Variants in MTA3 observed in about 807,000 individuals in gnomAD.
The protein encoded by MTA3 is metastasis associated 1 family member 3, also known as metastasis-associated protein MTA3.
MTA3 carries 34 observed loss-of-function variants against 83.5 expected under a neutral mutation model. The observed-to-expected ratio is 0.41, with a 90% CI of 0.31 to 0.54. The LOEUF (loss-of-function observed/expected upper bound fraction) is 0.54. Ranked by LOEUF, MTA3 falls within the 20% of genes least tolerant of loss-of-function variation. The pLI, the probability that MTA3 is intolerant of heterozygous loss-of-function variation, is 0.33. For missense variants in MTA3, 761 were observed against 726.4 expected (o/e 1.05, Z -0.55); for synonymous variants, 303 against 252.7 (o/e 1.20, Z -1.89).
chr2:42,591,364 G>T (rs1026219559), intron 3 of MTA3, among the ~76,000 whole-genome samples: 1 of 152,202 alleles, frequency 6.6e-6, no homozygotes, highest in East Asian at 1.9e-4. Flanking sequence ...GTCAGTGAGT[G>T]AGTGGTGGTA....
At chr2:42,737,275 T>A (rs1668682194) in intron 16 of MTA3, among the ~76,000 whole-genome samples, 1 of 152,168 alleles carries the variant, frequency 6.6e-6, no homozygotes, top group Non-Finnish European at 1.5e-5. Context: ...TAACCCACAG[T>A]GGAAGGGCTT....
At position 42,609,411 on chromosome 2, in the gene MTA3, G is replaced by A. The variant is rs112993420; in HGVS notation, c.191-47G>A. On this transcript the variant is annotated intron_variant, in intron 3 of 16. Transcript: ENST00000405094. ...TTTGATCTGTTTCAATATCCAAACA[G>A]ATAATGTGCTTTGTACTAATAAATT... 8 of 1,571,634 alleles carry A rather than the reference G, an allele frequency of 5.1e-6. No homozygotes were observed. The African/African-American group carries it at 8.1e-5, about 16-fold the overall frequency.
intron 9 of MTA3, among the ~76,000 whole-genome samples, chr2:42,695,405 C>T (rs867930364): frequency 1.3e-5 from 2 of 151,658 alleles, no homozygotes; most frequent in Non-Finnish European, 1.5e-5. Flanking sequence ...GAGGCCGAGG[C>T]GGGCAGATCA....
intron 9 of MTA3, among the ~76,000 whole-genome samples, chr2:42,683,881 TG>T (rs1248027105): frequency 7.9e-5 from 12 of 152,190 alleles, no homozygotes; most frequent in African/African-American, 2.7e-4. Flanking sequence ...GTCCATGACC[TG>T]GGGGTTGGGG....
At chr2:42,599,767 G>A (rs931615183) in intron 3 of MTA3, among the ~76,000 whole-genome samples, 13 of 152,070 alleles carry the variant, frequency 8.5e-5, no homozygotes, top group African/African-American at 2.7e-4. Context: ...TGTCATTAAG[G>A]TATAATATGG....
chr2:42,586,198 C>T (rs974249777), intron 3 of MTA3, among the ~76,000 whole-genome samples: 5 of 150,800 alleles, frequency 3.3e-5, no homozygotes, highest in Admixed American at 6.6e-5. Flanking sequence ...TGCTTGAACC[C>T]GGAAGGTGGA....
intron 6 of MTA3, among the ~76,000 whole-genome samples, chr2:42,650,449 GT>G (rs930788559): frequency 6.6e-6 from 1 of 151,130 alleles, no homozygotes; most frequent in African/African-American, 2.4e-5. Context: ...TGTTTTTTTG[GT>G]TTTTTTTGAG....
intron 4 of MTA3, among the ~76,000 whole-genome samples, chr2:42,611,322 T>TACACAC (rs141803741): frequency 1.2e-4 from 2 of 16,062 alleles, no homozygotes; most frequent in African/African-American, 4.4e-4. Flanking sequence ...ACTTAACACA[T>TACACAC]ACACACACAC....
At chr2:42,601,055 C>T (rs1573178172) in intron 3 of MTA3, among the ~76,000 whole-genome samples, 1 of 152,078 alleles carries the variant, frequency 6.6e-6, no homozygotes, top group Non-Finnish European at 1.5e-5. Context: ...TATAGGCATG[C>T]GCCTCCACGT....
chr2:42,625,427 T>C (rs1186361365), intron 4 of MTA3, among the ~76,000 whole-genome samples: 1 of 151,718 alleles, frequency 6.6e-6, no homozygotes, highest in African/African-American at 2.4e-5. Flanking sequence ...CTAGTGATAT[T>C]TTAATTTTGC....
chr2:42,544,527 C>T (rs1375285607), intron 2 of MTA3, among the ~76,000 whole-genome samples: 1 of 150,450 alleles, frequency 6.6e-6, no homozygotes, highest in Non-Finnish European at 1.5e-5. Flanking sequence ...CACTAAAATA[C>T]CAAAAATAAC....
chr2:42,525,346 C>G (rs757250813), intron 2 of MTA3, among the ~76,000 whole-genome samples: 11 of 152,022 alleles, frequency 7.2e-5, no homozygotes, highest in Non-Finnish European at 5.9e-5. Context: ...ATTACAGGCA[C>G]TTACCACCAT....
At chr2:42,592,583 C>T (rs1681146146) in intron 3 of MTA3, among the ~76,000 whole-genome samples, 1 of 151,936 alleles carries the variant, frequency 6.6e-6, no homozygotes, top group Non-Finnish European at 1.5e-5. Flanking sequence ...GACCCTGTCT[C>T]AAAAAAATTC....
chr2:42,693,524 G>A (rs1278872041), intron 9 of MTA3, among the ~76,000 whole-genome samples: 2 of 152,170 alleles, frequency 1.3e-5, no homozygotes, highest in African/African-American at 2.4e-5. Context: ...CCAACACCCA[G>A]CCACTATTGG....
At chr2:42,591,790 A>G (rs1489561267) in intron 3 of MTA3, among the ~76,000 whole-genome samples, 1 of 152,138 alleles carries the variant, frequency 6.6e-6, no homozygotes, top group Admixed American at 6.5e-5. Flanking sequence ...AGCTGAGATG[A>G]CAGGTGCACA....
At position 42,651,503 on chromosome 2, in the gene MTA3, A is replaced by G. The variant is rs567424490; in HGVS notation, c.500-4697A>G. Among the ~76,000 whole-genome samples the G allele has an allele frequency of 1.5e-4, 23 of 152,288 alleles. 1 individual carries two copies. In the South Asian group the frequency reaches 3.7e-3, roughly 25 times the overall value. Reference sequence around the variant, plus strand: ...CCTGAGGTTACCAAAAGAATAGGCAATTGGTGCTGGGCATGGTGGCTCATG... The same window carrying G: ...CCTGAGGTTACCAAAAGAATAGGCAGTTGGTGCTGGGCATGGTGGCTCATG... On this transcript the variant is annotated intron_variant, in intron 6 of 16. Coordinates refer to ENST00000405094, the MANE Select transcript of MTA3 (RefSeq NM_001330442.2).
At chr2:42,580,690 G>C (rs545141002) in intron 3 of MTA3, among the ~76,000 whole-genome samples, 1 of 151,974 alleles carries the variant, frequency 6.6e-6, no homozygotes, top group Non-Finnish European at 1.5e-5. Flanking sequence ...CTGCTTCCCA[G>C]CTTCAAGCGA....
chr2:42,603,050 A>T (rs114666097), intron 3 of MTA3, among the ~76,000 whole-genome samples: 2,910 of 151,618 alleles, frequency 0.019, 93 homozygotes, highest in African/African-American at 0.067. Context: ...TCAGGGTAGG[A>T]CTTTTATGGC....
At chr2:42,692,896 A>G (rs944951869) in intron 9 of MTA3, among the ~76,000 whole-genome samples, 5 of 152,214 alleles carry the variant, frequency 3.3e-5, no homozygotes, top group African/African-American at 9.7e-5. Context: ...TAGTCTTCAC[A>G]GTCTGGGCTT....
Sources: gnomAD v4.1 joint callset for allele counts (sites outside exome capture counted in the v4.1 genomes callset) on GRCh38, gnomAD v4.1.1 for gene constraint, MANE v1.5 for transcripts, NCBI Gene and HGNC (gene_info 2026-07-23, HGNC 2026-07-21) for gene names.